NDUFS7: variants seen among roughly 807,000 people sequenced by gnomAD.
The protein encoded by NDUFS7 is NADH:ubiquinone oxidoreductase core subunit S7.
Under a neutral mutation model 31.1 loss-of-function variants are expected in NDUFS7, and 11 were observed. The observed-to-expected ratio is 0.35, with a 90% CI of 0.22 to 0.59. NDUFS7 has a LOEUF of 0.59. Ranked by LOEUF, NDUFS7 falls within the 20% of genes least tolerant of loss-of-function variation. The probability of loss-of-function intolerance (pLI) is 0.79; values close to 1 mark genes in which losing one functional copy is unlikely to be tolerated. For missense variants in NDUFS7, 263 were observed against 324.2 expected (o/e 0.81, Z 1.45); for synonymous variants, 136 against 127.9 (o/e 1.06, Z -0.43).
rs757717527 is a variant in NDUFS7, at chr19:1,388,864, G to T, written c.154G>T (p.Val52Leu). ...GCCTGCCCTGCCAAAGGCCAGAGCC[G>T]TGGCTCCCAAACCCAGCAGCCGGGG... Reference protein sequence around the residue: ...TQPALPKARAVAPKPSSRGEY... With the variant: ...TQPALPKARALAPKPSSRGEY... Residue 52 changes from valine to leucine, a missense_variant, in exon 4 of 8, where the codon GTG (valine) becomes TTG (leucine). By Grantham distance (32) the Val-to-Leu change is conservative (BLOSUM62 1). Transcript: ENST00000233627. 2 of 1,607,328 alleles carry T rather than the reference G, an allele frequency of 1.2e-6. No homozygotes were observed. Among genetic ancestry groups the T allele is most frequent in the African/African-American group, 2.7e-5 (2 of 74,878 alleles).
rs747771299 is a variant in NDUFS7, at chr19:1,391,179, G to C, written c.455+14G>C. ...CTCCATGGGGAGGTGAGTGCAGGGCGGGGGGTCTCCAGGGACAGACGTAGC... is the reference window on the plus strand; with the variant it reads ...CTCCATGGGGAGGTGAGTGCAGGGCCGGGGGTCTCCAGGGACAGACGTAGC... On this transcript the variant is annotated intron_variant, in intron 6 of 7. Transcript: ENST00000233627. The C allele has an allele frequency of 2.5e-6, 4 of 1,607,478 alleles. No homozygotes were observed. Among genetic ancestry groups the C allele is most frequent in the South Asian group, 2.2e-5 (2 of 90,642 alleles).
At chr19:1,395,206 C>T (rs1210336185) in intron 7 of NDUFS7, 185 bp from the exon 8 acceptor site, 2 of 1,427,274 alleles carry the variant, frequency 1.4e-6, no homozygotes, top group African/African-American at 2.9e-5. Flanking sequence ...GAGGACCCCA[C>T]TCTTCCTGCA....
chr19:1,387,513 A>G (rs1307455550), intron 1 of NDUFS7, among the ~76,000 whole-genome samples: 1 of 152,156 alleles, frequency 6.6e-6, no homozygotes, highest in East Asian at 1.9e-4. Flanking sequence ...TGTCCCCCAC[A>G]GGGCAGCAGC....
At chr19:1,386,685 CG>C (rs1184989626) in intron 1 of NDUFS7, 1 of 152,102 alleles carries the variant, frequency 6.6e-6, no homozygotes, top group Admixed American at 6.5e-5. Context: ...TTAGTAGAGA[CG>C]GGGTTTCACC....
At chr19:1,388,099 C>T (rs2082521944) in intron 2 of NDUFS7, 1 of 609,108 alleles carries the variant, frequency 1.6e-6, no homozygotes, top group African/African-American at 1.8e-5. Context: ...CGTCAGAGCT[C>T]ACCGCCACCT....
chr19:1,388,359 G>A (rs1201536580), intron 2 of NDUFS7, 166 bp from the exon 3 acceptor site: 4 of 681,970 alleles, frequency 5.9e-6, no homozygotes, highest in Middle Eastern at 3.9e-4. Flanking sequence ...GGGTCGGGGC[G>A]ATGGCCGCAT....
intron 6 of NDUFS7, 49 bp downstream of exon 6, chr19:1,391,214 G>T: frequency 3.1e-6 from 5 of 1,595,170 alleles, no homozygotes; most frequent in Non-Finnish European, 4.3e-6. Context: ...CGTGAGTGCT[G>T]GCCTGGCCGT....
chr19:1,388,506 G>A lies in NDUFS7; in HGVS notation c.54-19G>A, dbSNP rs562814009. On this transcript the variant is annotated intron_variant, in intron 2 of 7. Transcript: ENST00000233627. ...AGGGGCCTGGGACAGCCACTGACCC[G>A]CGTTCCATCTCCCGGCAGCTCCAGC... The A allele has an allele frequency of 3.1e-4, 492 of 1,610,192 alleles. 3 individuals carry two copies. The South Asian group carries it at 5.1e-3, about 17-fold the overall frequency.
intron 1 of NDUFS7, chr19:1,384,244 C>T: frequency 6.5e-6 from 3 of 463,538 alleles, no homozygotes; most frequent in East Asian, 3.9e-5. Context: ...GACCAGGGCA[C>T]GGCCCGCGAG....
Position 1,394,952 on chromosome 19 carries a change from G to A in NDUFS7, c.545-439G>A, listed in dbSNP as rs547720770. 99 of 1,116,628 alleles carry A rather than the reference G, an allele frequency of 8.9e-5. No individual in the cohort carries two copies. The East Asian group carries it at 3.1e-3, about 35-fold the overall frequency. 69.2% of individuals were successfully genotyped at this position (1,116,628 alleles called of 1,614,324 possible). On this transcript the variant is annotated intron_variant, in intron 7 of 7. Coordinates refer to ENST00000233627, the MANE Select transcript of NDUFS7 (RefSeq NM_024407.5). ...TCAGAAAGAGGGTCATCGGGTCCTCGTGGGATGCCCGGGCTCTGGGCCACC... is the reference window on the plus strand; with the variant it reads ...TCAGAAAGAGGGTCATCGGGTCCTCATGGGATGCCCGGGCTCTGGGCCACC...
intron 7 of NDUFS7, 150 bp from the exon 8 acceptor site, chr19:1,395,241 A>G: frequency 6.9e-7 from 1 of 1,443,264 alleles, no homozygotes. Flanking sequence ...GCCGGCTCCC[A>G]GTCCCTGGCA....
chr19:1,391,200 G>C, intron 6 of NDUFS7, 35 bp downstream of exon 6: 1 of 1,604,946 alleles, frequency 6.2e-7, no homozygotes, highest in Non-Finnish European at 8.5e-7. Flanking sequence ...AGGGACAGAC[G>C]TAGCGTGAGT....
intron 4 of NDUFS7, 42 bp from the exon 5 acceptor site, chr19:1,390,829 G>T (rs1181466140): frequency 6.3e-7 from 1 of 1,595,620 alleles, no homozygotes. Flanking sequence ...GGGCCACGCG[G>T]GGCTCCGGGG....
intron 1 of NDUFS7, among the ~76,000 whole-genome samples, chr19:1,387,552 G>A (rs925299976): frequency 6.6e-5 from 10 of 152,222 alleles, no homozygotes; most frequent in Non-Finnish European, 1.5e-4. Flanking sequence ...GCAGGAAAGC[G>A]GCAGGTGCCA....
intron 1 of NDUFS7, 69 bp downstream of exon 1, chr19:1,384,011 G>C (rs1393794784): frequency 6.7e-7 from 1 of 1,500,542 alleles, no homozygotes; most frequent in Non-Finnish European, 8.9e-7. Flanking sequence ...CGGGTGTCGT[G>C]GTGGCGTCGG....
rs114528449 is a variant in NDUFS7 at position 1,391,304 on chromosome 19, C to G, written c.455+139C>G. 694 of 1,099,648 alleles carry G rather than the reference C, an allele frequency of 6.3e-4. 4 individuals are homozygous for G. The African/African-American group carries it at 9.5e-3, about 15-fold the overall frequency. The allele number at this position is 1,099,648 out of a possible 1,614,324, so 68.1% of individuals were successfully genotyped here. On this transcript the variant is annotated intron_variant, in intron 6 of 7. Coordinates refer to ENST00000233627, the MANE Select transcript of NDUFS7 (RefSeq NM_024407.5). ...TCCCGGCGCTGCCCTTCAGCCGTCTCGGTGCCTCCACCCTAGGCAGATGCG... is the reference window on the plus strand; with the variant it reads ...TCCCGGCGCTGCCCTTCAGCCGTCTGGGTGCCTCCACCCTAGGCAGATGCG...
chr19:1,391,139 G>C lies in NDUFS7; in HGVS notation c.429G>C (p.Glu143Asp), dbSNP rs767770704. 6.2e-7 allele frequency: 1 copy of C among 1,612,610 alleles called. No homozygotes were observed. The highest frequency in any genetic ancestry group is 8.5e-7 in the Non-Finnish European group (1 of 1,179,644). Residue 143 changes from glutamate (E) to aspartate (D), a missense_variant, in exon 6 of 8, where the codon GAG (glutamate) becomes GAC (aspartate). Physicochemically the swap from Glu to Asp is conservative, Grantham distance 45. Transcript: ENST00000233627. ...ALRKVYDQMP[E>D]PRYVVSMGSC... ...TCCAGGTCTACGACCAGATGCCGGA[G>C]CCGCGCTACGTGGTCTCCATGGGGA...
At position 1,391,154 on chromosome 19, in the gene NDUFS7, C is replaced by G. The variant is rs754190573; in HGVS notation, c.444C>G (p.Val148=). The change falls in exon 6 of 8, where the codon GTC becomes GTG. Residue 148 remains valine, a synonymous_variant. Transcript: ENST00000233627. The part of the protein sequence containing the change: ...YDQMPEPRYV[V]SMGSCANGGG... Reference sequence around the variant, plus strand: ...AGATGCCGGAGCCGCGCTACGTGGTCTCCATGGGGAGGTGAGTGCAGGGCG... The same window carrying G: ...AGATGCCGGAGCCGCGCTACGTGGTGTCCATGGGGAGGTGAGTGCAGGGCG... 1.2e-6 allele frequency: 2 copies of G among 1,612,416 alleles called. No individual in the cohort carries two copies. Among genetic ancestry groups the G allele is most frequent in the Admixed American group, 3.3e-5 (2 of 59,874 alleles).
Position 1,393,180 on chromosome 19 carries a change from C to T in NDUFS7, c.456-62C>T. 4.6e-6 allele frequency: 6 copies of T among 1,304,004 alleles called. No homozygotes were observed. Among genetic ancestry groups the T allele is most frequent in the East Asian group, 3.1e-5 (1 of 32,760 alleles). The allele number at this position is 1,304,004 out of a possible 1,614,324, so 80.8% of individuals were successfully genotyped here. A position where few individuals can be genotyped will look rare whatever the true frequency, so the allele number is the denominator to read the frequency against. On this transcript the variant is annotated intron_variant, in intron 6 of 7. Coordinates refer to ENST00000233627, the MANE Select transcript of NDUFS7 (RefSeq NM_024407.5). This position sits in a 1 kb window ranked among gnomAD's most constrained non-coding sequence, Gnocchi z 7.3. ...GGCGGGTGGGGATGGGGCGAGGCCTCGTGGAGGGAGGGTGGGCAGGCGGGT... is the reference window on the plus strand; with the variant it reads ...GGCGGGTGGGGATGGGGCGAGGCCTTGTGGAGGGAGGGTGGGCAGGCGGGT...
Sources: allele counts gnomAD v4.1 joint callset (sites outside exome capture counted in the v4.1 genomes callset), GRCh38; gene constraint gnomAD v4.1.1; non-coding constraint Gnocchi (gnomAD v3.1); transcripts MANE v1.5; gene names NCBI Gene and HGNC (gene_info 2026-07-23, HGNC 2026-07-21).